XXYLT1: variants seen among roughly 807,000 people sequenced by gnomAD.
XXYLT1 encodes xyloside xylosyltransferase 1, also known as UDP-xylose:alpha-xyloside alpha-1,3-xylosyltransferase.
In XXYLT1, 20 loss-of-function variants were observed where a neutral mutation model predicts 28.9. That is an observed-to-expected ratio of 0.69 (90% confidence interval 0.49 to 1.00). The LOEUF (loss-of-function observed/expected upper bound fraction) is 1.00. XXYLT1 is among the 50% of genes least tolerant of loss of function. The pLI is 0.00. For missense variants in XXYLT1, 542 were observed against 560.1 expected (o/e 0.97, Z 0.33); for synonymous variants, 257 against 253.8 (o/e 1.01, Z -0.12).
chr3:195,259,778 C>A, intron 1 of XXYLT1: 2 of 596,864 alleles, frequency 3.4e-6, no homozygotes, highest in Non-Finnish European at 4.2e-6. Flanking sequence ...CGCCAGGATA[C>A]CGAGGGGCCA....
At chr3:195,099,596 C>T (rs1353823456) in intron 3 of XXYLT1, among the ~76,000 whole-genome samples, 3 of 151,896 alleles carry the variant, frequency 2.0e-5, no homozygotes, top group Admixed American at 6.6e-5. Context: ...TTTGGGAGGC[C>T]GAGGCGGGTG....
Position 195,240,508 on chromosome 3 carries a change from G to A in XXYLT1, c.505-13652C>T, listed in dbSNP as rs964485149. On this transcript the variant is annotated intron_variant, in intron 1 of 3. Transcript: ENST00000310380. The surrounding 1 kb of genome is among the most constrained non-coding windows in gnomAD (Gnocchi z 4.7). ...GGCCGGCCCCACTGGGAGTCAGGTC[G>A]CAGCCACACTCCTGAGCCAAGAAGG... is the stretch of plus-strand genomic sequence containing the variant. 3.3e-5 allele frequency among the ~76,000 whole-genome samples: 5 copies of A among 152,252 alleles called. No homozygotes were observed. Among genetic ancestry groups the A allele is most frequent in the African/African-American group, 7.2e-5 (3 of 41,462 alleles).
At position 195,213,076 on chromosome 3, in the gene XXYLT1, C is replaced by T. The variant is rs529085905; in HGVS notation, c.652+13633G>A. On this transcript the variant is annotated intron_variant, in intron 2 of 3. Transcript: ENST00000310380. ...AGCTATTTCAAATCTGGAAGTACAACCAAGTAAGTGAATAATTAAAATGGC... is the reference window on the plus strand; with the variant it reads ...AGCTATTTCAAATCTGGAAGTACAATCAAGTAAGTGAATAATTAAAATGGC... 3.2e-4 allele frequency among the ~76,000 whole-genome samples: 49 copies of T among 152,264 alleles called. No individual in the cohort carries two copies. In the South Asian group the frequency reaches 4.4e-3, roughly 14 times the overall value.
chr3:195,252,099 T>A (rs529995958), intron 1 of XXYLT1, among the ~76,000 whole-genome samples: 1 of 152,372 alleles, frequency 6.6e-6, no homozygotes, highest in African/African-American at 2.4e-5. Flanking sequence ...TGAAATCTCA[T>A]ACTCACAATG....
At position 195,110,448 on chromosome 3, in the gene XXYLT1, A is replaced by AT. The variant is rs139873086; in HGVS notation, c.786-40338_786-40337insA. Among the ~76,000 whole-genome samples, 49 of 78,064 alleles carry AT rather than the reference A, an allele frequency of 6.3e-4. 1 individual carries two copies. The highest frequency in any genetic ancestry group is 2.6e-3 in the South Asian group (5 of 1,910). 51.2% of individuals were successfully genotyped at this position (78,064 alleles called of 152,430 possible). On this transcript the variant is annotated intron_variant, in intron 3 of 3. Coordinates refer to ENST00000310380, the MANE Select transcript of XXYLT1 (RefSeq NM_152531.5). ...GTATGTGTGCGTGTGTATGTGGTGT[A>AT]AAGTGTGTGTGGTGTGTGGGTGAGG... is the stretch of plus-strand genomic sequence containing the variant.
chr3:195,226,398 C>T (rs1041495406), intron 2 of XXYLT1, among the ~76,000 whole-genome samples: 1 of 152,020 alleles, frequency 6.6e-6, no homozygotes, highest in African/African-American at 2.4e-5. Context: ...TTCAGATGAG[C>T]AAACAAAGTA....
rs1725989939 is a variant in XXYLT1 at position 195,270,604 on chromosome 3, T to C, written c.455A>G (p.Lys152Arg). 6.8e-7 allele frequency: 1 copy of C among 1,463,386 alleles called. No individual in the cohort carries two copies. Among genetic ancestry groups the C allele is most frequent in the Non-Finnish European group, 9.0e-7 (1 of 1,107,242 alleles). The allele number at this position is 1,463,386 out of a possible 1,614,324, so 90.7% of individuals were successfully genotyped here. Residue 152 changes from lysine (K) to arginine (R), a missense_variant, in exon 1 of 4, where the codon AAG becomes AGG. Transcript: ENST00000310380. ...VSEEASREVA[K>R]GLLRELLPPA... ...CGGCAGGAGCTCCCGCAGCAGGCCC[T>C]TGGCCACCTCGCGGCTGGCCTCCTC...
Position 195,270,687 on chromosome 3 carries a change from T to C in XXYLT1, c.372A>G (p.Ser124=). 1 of 1,587,942 alleles carries C rather than the reference T, an allele frequency of 6.3e-7. No individual in the cohort carries two copies. The highest frequency in any genetic ancestry group is 1.1e-5 in the South Asian group (1 of 88,442). ...LQAKARVALR[S]LLRLAKFEAH... is the part of the protein sequence containing the mutation. ...CCTCGAACTTGGCGAGGCGCAGCAGTGAGCGCAGCGCGACGCGGGCCTTGG... is the reference window on the plus strand; with the variant it reads ...CCTCGAACTTGGCGAGGCGCAGCAGCGAGCGCAGCGCGACGCGGGCCTTGG... Residue 124 remains serine (S), a synonymous_variant, in exon 1 of 4, where the codon TCA becomes TCG. Transcript: ENST00000310380.
intron 2 of XXYLT1, among the ~76,000 whole-genome samples, chr3:195,225,877 G>A (rs1482405188): frequency 6.6e-6 from 1 of 152,132 alleles, no homozygotes; most frequent in Non-Finnish European, 1.5e-5. Flanking sequence ...GTCGGCATGT[G>A]AAGAAGGACG....
chr3:195,181,383 C>T (rs965280464), intron 2 of XXYLT1, among the ~76,000 whole-genome samples: 1 of 152,206 alleles, frequency 6.6e-6, no homozygotes, highest in African/African-American at 2.4e-5. Flanking sequence ...ACACATTTAC[C>T]CCCTGGCCCT....
At chr3:195,179,071 G>A (rs1202185091) in intron 2 of XXYLT1, among the ~76,000 whole-genome samples, 1 of 152,112 alleles carries the variant, frequency 6.6e-6, no homozygotes, top group East Asian at 1.9e-4. Context: ...GCCGGGCGCG[G>A]TGGCTCACGC....
At chr3:195,188,931 G>T (rs1420879218) in intron 2 of XXYLT1, among the ~76,000 whole-genome samples, 1 of 152,142 alleles carries the variant, frequency 6.6e-6, no homozygotes, top group Admixed American at 6.5e-5. Context: ...TAAGCTCGGC[G>T]CTAGCTTTCA....
At chr3:195,238,558 C>T (rs1317467620) in intron 1 of XXYLT1, among the ~76,000 whole-genome samples, 1 of 152,164 alleles carries the variant, frequency 6.6e-6, no homozygotes, top group Non-Finnish European at 1.5e-5. Context: ...AAGTGAACTG[C>T]ACTTTGGGCA....
rs201376829 is a variant in XXYLT1 at position 195,098,303 on chromosome 3, CA to C, written c.786-28193del. Among the ~76,000 whole-genome samples the C allele has an allele frequency of 5.9e-3, 893 of 152,342 alleles. 7 individuals are homozygous for C. The highest frequency in any genetic ancestry group is 0.021 in the African/African-American group (862 of 41,574). The stretch of plus-strand genomic sequence containing the variant: ...GTGCAGTGGCTCACGCCTGTAATCC[CA>C]GCACTTTGGGAGGCTGAGGCGGGTG... On this transcript the variant is annotated intron_variant, in intron 3 of 3. Coordinates refer to ENST00000310380, the MANE Select transcript of XXYLT1 (RefSeq NM_152531.5).
At chr3:195,112,777 C>G (rs111802111) in intron 3 of XXYLT1, among the ~76,000 whole-genome samples, 3 of 135,806 alleles carry the variant, frequency 2.2e-5, no homozygotes, top group Non-Finnish European at 1.6e-5. Context: ...ACACACACAC[C>G]CATGCACACA....
At chr3:195,151,374 C>T (rs920900171) in intron 3 of XXYLT1, among the ~76,000 whole-genome samples, 1 of 151,628 alleles carries the variant, frequency 6.6e-6, no homozygotes, top group Non-Finnish European at 1.5e-5. Context: ...CTACTAATAA[C>T]ACAAAAATTA....
In XXYLT1 at chr3:195,270,765, G is replaced by A. The variant is rs1201778040; in HGVS notation, c.294C>T (p.Asp98=). The A allele has an allele frequency of 5.1e-6, 8 of 1,581,576 alleles. No individual in the cohort carries two copies. The highest frequency in any genetic ancestry group is 6.0e-6 in the Non-Finnish European group (7 of 1,168,600). ...TGGTGAACATCATCAGCAGGTGGTA[G>A]TCCACCGGCCCGGCACCGCCGCCCT... ...SLEGGGAGPV[D]YHLLMMFTKA... is the part of the protein sequence containing the mutation. The change falls in exon 1 of 4, where the codon GAC becomes GAT. Residue 98 remains aspartate (D), a synonymous_variant. Transcript: ENST00000310380.
chr3:195,083,397 C>A (rs781180956), intron 3 of XXYLT1, among the ~76,000 whole-genome samples: 10 of 152,308 alleles, frequency 6.6e-5, no homozygotes, highest in South Asian at 2.1e-4. Flanking sequence ...GAACTTAATT[C>A]TTTAAAAGCT....
At chr3:195,138,699 AC>A (rs777180212) in intron 3 of XXYLT1, among the ~76,000 whole-genome samples, 1 of 152,006 alleles carries the variant, frequency 6.6e-6, no homozygotes, top group Non-Finnish European at 1.5e-5. Flanking sequence ...TACTAAAAAT[AC>A]AAAAATTAAC....
Sources: allele counts gnomAD v4.1 joint callset (sites outside exome capture counted in the v4.1 genomes callset), GRCh38; gene constraint gnomAD v4.1.1; non-coding constraint Gnocchi (gnomAD v3.1); transcripts MANE v1.5; gene names NCBI Gene and HGNC (gene_info 2026-07-23, HGNC 2026-07-21).